NUDT21: variants seen among roughly 807,000 people sequenced by gnomAD.
NUDT21 encodes the protein nudix hydrolase 21, also known as cleavage and polyadenylation specificity factor subunit 5.
NUDT21 carries 5 observed loss-of-function variants against 29.8 expected under a neutral mutation model. That is an observed-to-expected ratio of 0.17 (90% CI 0.09 to 0.35). The LOEUF (loss-of-function observed/expected upper bound fraction) is 0.35. Ranked by LOEUF, NUDT21 falls within the 10% of genes least tolerant of loss-of-function variation. The probability of loss-of-function intolerance (pLI) is 1.00; values close to 1 mark genes in which losing one functional copy is unlikely to be tolerated. For synonymous variants in NUDT21, 113 were observed against 98.5 expected (o/e 1.15, Z -0.87); for missense variants, 76 against 276.0 (o/e 0.28, Z 5.13).
intron 3 of NUDT21, among the ~76,000 whole-genome samples, chr16:56,444,297 T>G (rs776243180): frequency 6.6e-6 from 1 of 151,888 alleles, no homozygotes; most frequent in Non-Finnish European, 1.5e-5. Flanking sequence ...AAAAAATAAG[T>G]AAGCCTAGAC....
chr16:56,439,643 A>T lies in NUDT21; in HGVS notation c.471+14T>A. On this transcript the variant is annotated intron_variant, in intron 4 of 6. Coordinates refer to ENST00000300291, the MANE Select transcript of NUDT21 (RefSeq NM_007006.3). ...TGCTTCCAAAATGCCCAGCAAATGT[A>T]ACTGAACACTGACCTGAGGAGGTTC... is the stretch of plus-strand genomic sequence containing the variant. 1 of 1,559,280 alleles carries T rather than the reference A, an allele frequency of 6.4e-7. No individual in the cohort carries two copies. The highest frequency in any genetic ancestry group is 8.9e-7 in the Non-Finnish European group (1 of 1,129,922).
intron 4 of NUDT21, among the ~76,000 whole-genome samples, chr16:56,435,990 A>T (rs1962100088): frequency 6.8e-6 from 1 of 146,262 alleles, no homozygotes; most frequent in Non-Finnish European, 1.5e-5. Context: ...AAGCCAAATT[A>T]CTCGAGGAAA....
rs115007985 is a variant in NUDT21 at position 56,434,965 on chromosome 16, G to A, written c.472-136C>T. On this transcript the variant is annotated intron_variant, in intron 4 of 6. Coordinates refer to ENST00000300291, the MANE Select transcript of NUDT21 (RefSeq NM_007006.3). ...CCTCTTTACCAGGACTTATCTAACAGATACACTAGTAAATAAATGCTTTAA... is the reference window on the plus strand; with the variant it reads ...CCTCTTTACCAGGACTTATCTAACAAATACACTAGTAAATAAATGCTTTAA... The A allele has an allele frequency of 1.1e-3, 602 of 564,564 alleles. 3 individuals carry two copies. In the African/African-American group the frequency reaches 0.011, roughly 10 times the overall value. The allele number at this position is 564,564 out of a possible 1,614,324, so 35.0% of individuals were successfully genotyped here.
At position 56,447,837 on chromosome 16, in the gene NUDT21, C is replaced by T. The variant is rs1962235674; in HGVS notation, c.269G>A (p.Arg90Gln). The change falls in exon 2 of 7, where the codon CGG (arginine) becomes CAG (glutamine). Residue 90 changes from arginine to glutamine, a missense_variant. Coordinates refer to ENST00000300291, the MANE Select transcript of NUDT21 (RefSeq NM_007006.3). ...CTGCAGCAGTAACACATGGGGTAGC[C>T]GGTGCTCATGTACAATCAGAACCCC... ...VEGVLIVHEH[R>Q]LPHVLLLQLG... The T allele has an allele frequency of 3.7e-6, 6 of 1,614,006 alleles. No homozygotes were observed. Among genetic ancestry groups the T allele is most frequent in the Non-Finnish European group, 5.1e-6 (6 of 1,179,924 alleles).
chr16:56,439,681 C>A lies in NUDT21; in HGVS notation c.447G>T (p.Trp149Cys). 1.9e-6 allele frequency: 3 copies of A among 1,613,826 alleles called. No homozygotes were observed. The highest frequency in any genetic ancestry group is 2.5e-6 in the Non-Finnish European group (3 of 1,179,740). Residue 149 changes from tryptophan to cysteine, a missense_variant, in exon 4 of 7, where the codon TGG becomes TGT. This residue lies in a region of NUDT21 where 27 missense variants were observed against 149.5 expected (regional missense o/e 0.18). Coordinates refer to ENST00000300291, the MANE Select transcript of NUDT21 (RefSeq NM_007006.3). ...CCTGAGGAGGTTCAAAATTTGGTCT[C>A]CACCAGTTACCAATGCAATCGTCAA... ...WVIDDCIGNW[W>C]RPNFEPPQYP...
At chr16:56,439,770 A>C (rs762564005) in intron 3 of NUDT21, 24 bp from the exon 4 acceptor site, 4 of 1,563,086 alleles carry the variant, frequency 2.6e-6, no homozygotes, top group Non-Finnish European at 1.8e-6. Context: ...ATAAGCCAGT[A>C]AACAACTAAA....
At chr16:56,444,731 T>C (rs1276762668) in intron 3 of NUDT21, among the ~76,000 whole-genome samples, 2 of 152,206 alleles carry the variant, frequency 1.3e-5, no homozygotes, top group Non-Finnish European at 2.9e-5. Flanking sequence ...CCTAAACTTT[T>C]TTCATTGCTA....
At chr16:56,447,414 TA>T (rs1455937177) in intron 2 of NUDT21, among the ~76,000 whole-genome samples, 1 of 152,210 alleles carries the variant, frequency 6.6e-6, no homozygotes, top group Admixed American at 6.5e-5. Context: ...GATAAAACAC[TA>T]AACTGTTATC....
At position 56,430,367 on chromosome 16, in the gene NUDT21, G is replaced by A. The variant is rs1203582013; in HGVS notation, c.*2345C>T. On this transcript the variant is annotated 3_prime_UTR_variant, in exon 7 of 7. Transcript: ENST00000300291. ...AAACATATTCCAGTGTCATTTAGTAGTTTTACATAGAATCTGCACTATACT... is the reference window on the plus strand; with the variant it reads ...AAACATATTCCAGTGTCATTTAGTAATTTTACATAGAATCTGCACTATACT... 2 of 152,098 alleles carry A rather than the reference G, an allele frequency of 1.3e-5. No individual in the cohort carries two copies. Among genetic ancestry groups the A allele is most frequent in the Non-Finnish European group, 2.9e-5 (2 of 68,018 alleles). 9.4% of individuals were successfully genotyped at this position (152,098 alleles called of 1,614,324 possible). A position where few individuals can be genotyped will look rare whatever the true frequency, so the allele number is the denominator to read the frequency against.
chr16:56,436,042 A>G (rs1962100752), intron 4 of NUDT21, among the ~76,000 whole-genome samples: 1 of 149,532 alleles, frequency 6.7e-6, no homozygotes, highest in African/African-American at 2.4e-5. Flanking sequence ...TATATTTTAG[A>G]GAATTTAAAG....
At chr16:56,437,746 T>A (rs1962119791) in intron 4 of NUDT21, among the ~76,000 whole-genome samples, 1 of 152,212 alleles carries the variant, frequency 6.6e-6, no homozygotes, top group South Asian at 2.1e-4. Context: ...TCCCCTGTAT[T>A]CTGCTGCTTC....
chr16:56,436,926 G>A (rs1030529977), intron 4 of NUDT21, among the ~76,000 whole-genome samples: 1 of 152,180 alleles, frequency 6.6e-6, no homozygotes, highest in Non-Finnish European at 1.5e-5. Context: ...TAGGGGAGAT[G>A]AGTGAAGATA....
intron 4 of NUDT21, among the ~76,000 whole-genome samples, chr16:56,436,084 C>T (rs1024307932): frequency 4.0e-5 from 6 of 150,476 alleles, no homozygotes; most frequent in Admixed American, 3.3e-4. Context: ...GAAGTTGCTA[C>T]CCGGGAAGGA....
intron 3 of NUDT21, among the ~76,000 whole-genome samples, chr16:56,441,960 A>G (rs769136874): frequency 6.6e-6 from 1 of 152,108 alleles, no homozygotes; most frequent in Non-Finnish European, 1.5e-5. Flanking sequence ...CGCGATCTCC[A>G]CTCACTGCAA....
intron 4 of NUDT21, among the ~76,000 whole-genome samples, chr16:56,438,701 C>T (rs1436580161): frequency 6.6e-6 from 1 of 151,916 alleles, no homozygotes; most frequent in Non-Finnish European, 1.5e-5. Context: ...ATTTGCAAGA[C>T]ACACAGGGGA....
At chr16:56,447,592 A>G in intron 2 of NUDT21, 197 bp downstream of exon 2, 1 of 569,410 alleles carries the variant, frequency 1.8e-6, no homozygotes, top group South Asian at 2.0e-5. Context: ...ACATACAGAA[A>G]CATACAGATT....
At chr16:56,445,782 T>C (rs1049047639) in intron 3 of NUDT21, among the ~76,000 whole-genome samples, 4 of 152,244 alleles carry the variant, frequency 2.6e-5, no homozygotes, top group Non-Finnish European at 5.9e-5. Flanking sequence ...GATTCTCTCA[T>C]TTTGCACTCC....
At chr16:56,445,203 A>G (rs1330385181) in intron 3 of NUDT21, among the ~76,000 whole-genome samples, 1 of 152,186 alleles carries the variant, frequency 6.6e-6, no homozygotes, top group Non-Finnish European at 1.5e-5. Flanking sequence ...AAAAAAGGAA[A>G]TGCTCATTGG....
intron 4 of NUDT21, among the ~76,000 whole-genome samples, chr16:56,435,519 G>A (rs1962087216): frequency 6.6e-6 from 1 of 150,704 alleles, no homozygotes; most frequent in Non-Finnish European, 1.5e-5. Flanking sequence ...GAGGTCAGGA[G>A]ATCAAGACCA....
Sources: allele counts gnomAD v4.1 joint callset (sites outside exome capture counted in the v4.1 genomes callset), GRCh38; gene constraint gnomAD v4.1.1; regional missense constraint gnomAD v4.1.1; transcripts MANE v1.5; gene names NCBI Gene and HGNC (gene_info 2026-07-23, HGNC 2026-07-21).